BBS9: variants seen among roughly 807,000 people sequenced by gnomAD.
The protein encoded by BBS9 is Bardet-Biedl syndrome 9, also known as protein PTHB1.
Under a neutral mutation model 117.7 loss-of-function variants are expected in BBS9, and 89 were observed. The observed-to-expected ratio is 0.76, with a 90% CI of 0.64 to 0.90. The LOEUF is 0.90. Ranked by LOEUF, BBS9 falls within the 40% of genes least tolerant of loss-of-function variation. The pLI is 0.00. For synonymous variants in BBS9, 379 were observed against 370.9 expected (o/e 1.02, Z -0.25); for missense variants, 982 against 1,042.2 (o/e 0.94, Z 0.80).
intron 5 of BBS9, among the ~76,000 whole-genome samples, chr7:33,249,153 C>T (rs1795830168): frequency 6.6e-6 from 1 of 151,532 alleles, no homozygotes; most frequent in African/African-American, 2.4e-5. Flanking sequence ...TCCATGAGGC[C>T]CTTGTTGCCA....
intron 9 of BBS9, among the ~76,000 whole-genome samples, chr7:33,311,230 G>A (rs994953063): frequency 1.3e-5 from 2 of 152,132 alleles, no homozygotes; most frequent in Non-Finnish European, 2.9e-5. Flanking sequence ...AGGGACTTAG[G>A]GTAGGGGATG....
Position 33,331,661 on chromosome 7 carries a change from C to CAA in BBS9, c.1017-4766_1017-4765dup, listed in dbSNP as rs34096023. On this transcript the variant is annotated intron_variant, in intron 9 of 22. Transcript: ENST00000242067. ...AGAACTCAGTCCCTTTTACAACTGC[C>CAA]AAAAAAAAAAAAAAACCACACACAC... Among the ~76,000 whole-genome samples the CAA allele has an allele frequency of 2.5e-3, 294 of 116,730 alleles. 3 individuals carry two copies. In the East Asian group the frequency reaches 0.029, roughly 11 times the overall value. 76.6% of individuals were successfully genotyped at this position (116,730 alleles called of 152,430 possible). A position where few individuals can be genotyped will look rare whatever the true frequency, so the allele number is the denominator to read the frequency against.
intron 5 of BBS9, among the ~76,000 whole-genome samples, chr7:33,189,883 TAA>T (rs372582478): frequency 4.3e-4 from 55 of 127,108 alleles, no homozygotes; most frequent in Admixed American, 5.7e-4. Flanking sequence ...GACTCTGTCT[TAA>T]AAAAAAAAAA....
Position 33,443,565 on chromosome 7 carries a change from T to C in BBS9, c.2115+55421T>C, listed in dbSNP as rs144759838. ...AAATTGTTTGATCAGTGTGAAATAA[T>C]TGCTACAAAGAGACTTGACATTTTG... On this transcript the variant is annotated intron_variant, in intron 19 of 22. Coordinates refer to ENST00000242067, the MANE Select transcript of BBS9 (RefSeq NM_198428.3). 2.5e-3 allele frequency among the ~76,000 whole-genome samples: 387 copies of C among 152,352 alleles called. 3 individuals are homozygous for C. Among genetic ancestry groups the C allele is most frequent in the African/African-American group, 8.8e-3 (368 of 41,590 alleles).
chr7:33,417,086 A>G (rs1158380670), intron 19 of BBS9, among the ~76,000 whole-genome samples: 3 of 152,206 alleles, frequency 2.0e-5, no homozygotes, highest in Non-Finnish European at 2.9e-5. Context: ...AATAGCTACA[A>G]TAGACACTAC....
At chr7:33,209,628 G>A (rs1787632916) in intron 5 of BBS9, among the ~76,000 whole-genome samples, 1 of 152,114 alleles carries the variant, frequency 6.6e-6, no homozygotes, top group Non-Finnish European at 1.5e-5. Context: ...TTGGTAGGTT[G>A]TATGTGTCTA....
chr7:33,380,230 T>G (rs1378563782), intron 17 of BBS9: 1 of 180,308 alleles, frequency 5.5e-6, no homozygotes, highest in Non-Finnish European at 1.2e-5. Context: ...AAGACACTGG[T>G]CATCATGTCC....
intron 21 of BBS9, among the ~76,000 whole-genome samples, chr7:33,621,979 G>A (rs958776748): frequency 1.3e-5 from 2 of 152,184 alleles, no homozygotes; most frequent in African/African-American, 4.8e-5. Context: ...AGGGGCCAAG[G>A]CAGAGGGATC....
chr7:33,570,668 G>T (rs1476467751), intron 21 of BBS9, among the ~76,000 whole-genome samples: 1 of 152,148 alleles, frequency 6.6e-6, no homozygotes, highest in Non-Finnish European at 1.5e-5. Context: ...ACAGGAGAGA[G>T]ACCTAGTAGA....
chr7:33,219,675 T>C (rs1789834096), intron 5 of BBS9, among the ~76,000 whole-genome samples: 1 of 152,056 alleles, frequency 6.6e-6, no homozygotes, highest in South Asian at 2.1e-4. Context: ...TGGAGAACCT[T>C]TGTGTCTAGC....
chr7:33,489,607 A>G (rs1050841297), intron 19 of BBS9, among the ~76,000 whole-genome samples: 1 of 152,170 alleles, frequency 6.6e-6, no homozygotes, highest in African/African-American at 2.4e-5. Context: ...CAGTTCCCCA[A>G]TAATCTGTGT....
intron 21 of BBS9, among the ~76,000 whole-genome samples, chr7:33,619,303 GT>G (rs1562536523): frequency 6.6e-6 from 1 of 152,070 alleles, no homozygotes. Flanking sequence ...CATCAAGAAG[GT>G]ATAACGATTG....
At position 33,564,115 on chromosome 7, in the gene BBS9, CCTT is replaced by C. The variant is rs534768580; in HGVS notation, c.2521+29943_2521+29945del. 1.3e-3 allele frequency among the ~76,000 whole-genome samples: 203 copies of C among 152,224 alleles called. 3 individuals are homozygous for C. Among genetic ancestry groups the C allele is most frequent in the African/African-American group, 3.9e-3 (161 of 41,544 alleles). ...TGTCTTCTTTTGAGCTATCACCTCC[CCTT>C]CTTTGTTTTATTGGCAAATTGGAGA... On this transcript the variant is annotated intron_variant, in intron 21 of 22. Transcript: ENST00000242067.
rs1273862276 is a variant in BBS9 at position 33,349,458 on chromosome 7, G to T, written c.1432+288G>T. On this transcript the variant is annotated intron_variant, in intron 13 of 22. Coordinates refer to ENST00000242067, the MANE Select transcript of BBS9 (RefSeq NM_198428.3). ...ATTTATTTATTTATTTTTGAGACAGGGTCTCATTCTCATTGGCCCAGACTG... is the reference window on the plus strand; with the variant it reads ...ATTTATTTATTTATTTTTGAGACAGTGTCTCATTCTCATTGGCCCAGACTG... The T allele has an allele frequency of 9.8e-6, 4 of 409,576 alleles. No homozygotes were observed. In the East Asian group the frequency reaches 2.7e-4, roughly 27 times the overall value. 25.4% of individuals were successfully genotyped at this position (409,576 alleles called of 1,614,324 possible).
chr7:33,408,634 T>A (rs1375048142), intron 19 of BBS9, among the ~76,000 whole-genome samples: 1 of 152,240 alleles, frequency 6.6e-6, no homozygotes, highest in Non-Finnish European at 1.5e-5. Context: ...CTGAGTTGAT[T>A]CCATGTCTTT....
At chr7:33,286,637 T>C (rs1219039444) in intron 9 of BBS9, among the ~76,000 whole-genome samples, 1 of 152,190 alleles carries the variant, frequency 6.6e-6, no homozygotes, top group Non-Finnish European at 1.5e-5. Flanking sequence ...TTGTGTTTTC[T>C]TAGTTACTTA....
intron 9 of BBS9, among the ~76,000 whole-genome samples, chr7:33,300,287 A>C (rs1429689289): frequency 6.6e-6 from 1 of 152,148 alleles, no homozygotes; most frequent in East Asian, 1.9e-4. Context: ...CTCAACTGGA[A>C]GCCAGAGGGA....
chr7:33,221,110 C>T (rs1471106495), intron 5 of BBS9, among the ~76,000 whole-genome samples: 1 of 152,200 alleles, frequency 6.6e-6, no homozygotes, highest in Non-Finnish European at 1.5e-5. Flanking sequence ...GCTGGTGTCA[C>T]TTTCTCTGTG....
chr7:33,343,302 C>G (rs1044319783), intron 11 of BBS9, among the ~76,000 whole-genome samples: 4 of 152,020 alleles, frequency 2.6e-5, no homozygotes, highest in Non-Finnish European at 4.4e-5. Flanking sequence ...AGCATTTTCC[C>G]CTACCAATGT....
Sources: allele counts gnomAD v4.1 joint callset (sites outside exome capture counted in the v4.1 genomes callset), GRCh38; gene constraint gnomAD v4.1.1; transcripts MANE v1.5; gene names NCBI Gene and HGNC (gene_info 2026-07-23, HGNC 2026-07-21).